Variants in RTTN observed in about 807,000 individuals in gnomAD.
RTTN encodes the protein rotatin.
RTTN carries 182 observed loss-of-function variants against 269.2 expected under a neutral mutation model. The observed-to-expected ratio is 0.68, with a 90% CI of 0.60 to 0.76. The LOEUF is 0.76. Among genes scored for constraint, RTTN ranks in the 30% least tolerant of loss-of-function variants. RTTN has a pLI of 0.00. For missense variants in RTTN, 2,545 were observed against 2,608.6 expected (o/e 0.98, Z 0.53); for synonymous variants, 1,006 against 963.5 (o/e 1.04, Z -0.82).
At chr18:70,062,594 A>C (rs1445529679) in intron 35 of RTTN, among the ~76,000 whole-genome samples, 3 of 149,556 alleles carry the variant, frequency 2.0e-5, no homozygotes, top group African/African-American at 7.3e-5. Context: ...ATCTGTTTGA[A>C]GATATCCTCC....
chr18:70,131,620 T>C (rs1397074695), intron 23 of RTTN: 3 of 151,856 alleles, frequency 2.0e-5, no homozygotes, highest in African/African-American at 4.8e-5. Context: ...GGTGGGAGAA[T>C]TGCTTGAAGC....
chr18:70,053,850 A>G (rs1422579305), intron 38 of RTTN, among the ~76,000 whole-genome samples: 1 of 152,260 alleles, frequency 6.6e-6, no homozygotes, highest in African/African-American at 2.4e-5. Context: ...GTTTATAAGA[A>G]TAGTTAATAC....
In RTTN at chr18:70,140,177, G is replaced by C; in HGVS notation, c.2593C>G (p.His865Asp). ...AAGCATAACTTTTTCACCACAGCATGCATTTTAATATCTGTAGATAAAAAA... is the reference window on the plus strand; with the variant it reads ...AAGCATAACTTTTTCACCACAGCATCCATTTTAATATCTGTAGATAAAAAA... ...LAVIMQDIKM[H>D]AVVKKLCLID... Residue 865 changes from histidine to aspartate, a missense_variant, in exon 20 of 49, where the codon CAT becomes GAT. Transcript: ENST00000640769. 6.4e-7 allele frequency: 1 copy of C among 1,562,858 alleles called. No homozygotes were observed. The highest frequency in any genetic ancestry group is 1.1e-5 in the South Asian group (1 of 89,152).
intron 7 of RTTN, among the ~76,000 whole-genome samples, chr18:70,194,945 TTTATA>T (rs1342899684): frequency 1.3e-5 from 2 of 152,174 alleles, no homozygotes; most frequent in Non-Finnish European, 2.9e-5. Context: ...AATGGCATAT[TTTATA>T]TTATACCTAT....
chr18:70,049,449 T>C (rs963804903), intron 39 of RTTN, among the ~76,000 whole-genome samples: 1 of 152,202 alleles, frequency 6.6e-6, no homozygotes, highest in Non-Finnish European at 1.5e-5. Flanking sequence ...TACTCCATGG[T>C]AGACTCAGAA....
At chr18:70,165,395 T>C (rs1379978663) in intron 14 of RTTN, among the ~76,000 whole-genome samples, 1 of 151,972 alleles carries the variant, frequency 6.6e-6, no homozygotes, top group Non-Finnish European at 1.5e-5. Context: ...TAGGCTATGC[T>C]GGTGGGAGAA....
chr18:70,076,555 A>C (rs1048612472), intron 32 of RTTN, among the ~76,000 whole-genome samples: 1 of 152,064 alleles, frequency 6.6e-6, no homozygotes, highest in African/African-American at 2.4e-5. Flanking sequence ...CTTCTTTTTA[A>C]GGACATTTAT....
chr18:70,010,062 T>C (rs1293198718), intron 46 of RTTN, among the ~76,000 whole-genome samples: 1 of 152,146 alleles, frequency 6.6e-6, no homozygotes, highest in Non-Finnish European at 1.5e-5. Context: ...ATGCACCCAA[T>C]ACAGGAGCAC....
At chr18:70,143,857 C>CTT (rs1331783234) in intron 18 of RTTN, among the ~76,000 whole-genome samples, 2 of 144,414 alleles carry the variant, frequency 1.4e-5, no homozygotes, top group Non-Finnish European at 3.1e-5. Flanking sequence ...ATAAGTTTTC[C>CTT]TTTTTTTTTT....
intron 37 of RTTN, among the ~76,000 whole-genome samples, chr18:70,055,655 T>G (rs1056143794): frequency 6.6e-6 from 1 of 152,194 alleles, no homozygotes; most frequent in African/African-American, 2.4e-5. Context: ...GACCTCTGGA[T>G]GTATGAAATA....
intron 35 of RTTN, 124 bp from the exon 36 acceptor site, chr18:70,060,166 C>T (rs754897851): frequency 5.7e-6 from 5 of 879,660 alleles, no homozygotes; most frequent in Non-Finnish European, 8.4e-6. Context: ...ATTGCCTTAG[C>T]TTCTTGGCTC....
chr18:70,013,224 G>A (rs772985414), intron 46 of RTTN, among the ~76,000 whole-genome samples: 3 of 152,058 alleles, frequency 2.0e-5, no homozygotes, highest in Non-Finnish European at 4.4e-5. Context: ...TAAATGGGAG[G>A]GTGACTTCCT....
intron 30 of RTTN, among the ~76,000 whole-genome samples, chr18:70,091,217 C>T (rs1248114344): frequency 1.3e-5 from 2 of 152,054 alleles, no homozygotes; most frequent in East Asian, 1.9e-4. Flanking sequence ...AGAATAAAAG[C>T]ATTTTGCATG....
At chr18:70,020,983 G>A (rs961613948) in intron 44 of RTTN, 166 bp from the exon 45 acceptor site, 1 of 569,510 alleles carries the variant, frequency 1.8e-6, no homozygotes, top group Non-Finnish European at 3.1e-6. Flanking sequence ...CAACCTAATA[G>A]ATATACTGTC....
chr18:70,115,263 T>C (rs2059574743), intron 26 of RTTN, among the ~76,000 whole-genome samples: 1 of 151,962 alleles, frequency 6.6e-6, no homozygotes, highest in African/African-American at 2.4e-5. Context: ...ACACAGGACA[T>C]GAAAAGACCC....
At chr18:70,059,166 C>A (rs1042727277) in intron 36 of RTTN, among the ~76,000 whole-genome samples, 3 of 152,022 alleles carry the variant, frequency 2.0e-5, no homozygotes, top group African/African-American at 7.2e-5. Flanking sequence ...TCACACTAAC[C>A]CCATTAAATA....
At position 70,035,173 on chromosome 18, in the gene RTTN, C is replaced by T. The variant is rs150813083; in HGVS notation, c.5542-4192G>A. 4.5e-3 allele frequency among the ~76,000 whole-genome samples: 687 copies of T among 152,272 alleles called. 5 individuals carry two copies. Among genetic ancestry groups the T allele is most frequent in the African/African-American group, 0.016 (646 of 41,544 alleles). ...TTTGTAGATTCAATACTATCCCTAT[C>T]GAACCACCAATCACATTCTTCATAG... On this transcript the variant is annotated intron_variant, in intron 40 of 48. Transcript: ENST00000640769.
chr18:70,121,758 G>T, intron 25 of RTTN, 58 bp from the exon 26 acceptor site: 1 of 1,403,900 alleles, frequency 7.1e-7, no homozygotes, highest in Non-Finnish European at 9.5e-7. Flanking sequence ...CAATACCACT[G>T]TTCATCATAG....
intron 16 of RTTN, 67 bp downstream of exon 16, chr18:70,149,904 T>C (rs2060492658): frequency 3.8e-6 from 4 of 1,061,682 alleles, no homozygotes; most frequent in African/African-American, 1.6e-5. Flanking sequence ...GCTGTTTGCA[T>C]GCATTTAAAT....
Sources: allele counts gnomAD v4.1 joint callset (sites outside exome capture counted in the v4.1 genomes callset), GRCh38; gene constraint gnomAD v4.1.1; transcripts MANE v1.5; gene names NCBI Gene and HGNC (gene_info 2026-07-23, HGNC 2026-07-21).